CCDC171: variants seen among roughly 807,000 people sequenced by gnomAD.
The protein encoded by CCDC171 is coiled-coil domain-containing protein 171.
CCDC171 carries 177 observed loss-of-function variants against 168.2 expected under a neutral mutation model. That is an observed-to-expected ratio of 1.05 (90% CI 0.93 to 1.19). The LOEUF is 1.19. Among genes scored for constraint, CCDC171 ranks in the 50% most tolerant of loss-of-function variants. CCDC171 has a pLI of 0.00. For missense variants in CCDC171, 1,991 were observed against 1,539.0 expected (o/e 1.29, Z -4.91); for synonymous variants, 687 against 540.8 (o/e 1.27, Z -3.75).
At chr9:15,939,865 T>C (rs1437809371) in intron 25 of CCDC171, among the ~76,000 whole-genome samples, 2 of 151,884 alleles carry the variant, frequency 1.3e-5, no homozygotes, top group Admixed American at 6.6e-5. Context: ...AGTAGTTAAG[T>C]ATGTCATAAA....
At chr9:15,906,723 A>G (rs1280186469) in intron 24 of CCDC171, among the ~76,000 whole-genome samples, 1 of 152,192 alleles carries the variant, frequency 6.6e-6, no homozygotes, top group Non-Finnish European at 1.5e-5. Flanking sequence ...GGAAAAGAGG[A>G]AGTCAAATTG....
chr9:16,102,259 C>G, the CCDC171 span, among the ~76,000 whole-genome samples: 1 of 152,144 alleles, frequency 6.6e-6, no homozygotes, highest in African/African-American at 2.4e-5. Context: ...TCCTGGCCTC[C>G]TGGACCCTGC....
intron 25 of CCDC171, among the ~76,000 whole-genome samples, chr9:15,952,453 A>G (rs926326819): frequency 6.6e-6 from 1 of 152,114 alleles, no homozygotes; most frequent in African/African-American, 2.4e-5. Flanking sequence ...GCTGGAGTAC[A>G]ATGGCGTGAT....
At chr9:15,927,919 A>G (rs115052957) in intron 25 of CCDC171, among the ~76,000 whole-genome samples, 1,913 of 151,788 alleles carry the variant, frequency 0.013, 28 homozygotes, top group African/African-American at 0.044. Flanking sequence ...ATCTTAGTTG[A>G]TTATTGATAC....
At chr9:15,641,842 A>C (rs1472959095) in intron 7 of CCDC171, among the ~76,000 whole-genome samples, 1 of 152,202 alleles carries the variant, frequency 6.6e-6, no homozygotes, top group Admixed American at 6.5e-5. Context: ...TAAATGACAA[A>C]ATATGTGATA....
chr9:15,684,928 G>A lies in CCDC171; in HGVS notation c.1215+6032G>A, dbSNP rs367945064. Among the ~76,000 whole-genome samples the A allele has an allele frequency of 1.9e-3, 289 of 152,220 alleles. 1 individual carries two copies. Among genetic ancestry groups the A allele is most frequent in the Non-Finnish European group, 2.8e-3 (189 of 68,000 alleles). The stretch of plus-strand genomic sequence containing the variant: ...TTCATCACAGCATTTAAAGTAGTCC[G>A]TGGGTCATGTTGGGTGATGAGTAAA... On this transcript the variant is annotated intron_variant, in intron 10 of 25. Coordinates refer to ENST00000380701, the MANE Select transcript of CCDC171 (RefSeq NM_173550.4).
chr9:16,053,124 A>C (rs543977957), intron 1 of CCDC171, among the ~76,000 whole-genome samples: 1 of 152,356 alleles, frequency 6.6e-6, no homozygotes, highest in Non-Finnish European at 1.5e-5. Context: ...GATGGGTGTT[A>C]AGTTTCTAAG....
At chr9:15,683,802 C>G (rs772385474) in intron 10 of CCDC171, among the ~76,000 whole-genome samples, 1 of 151,950 alleles carries the variant, frequency 6.6e-6, no homozygotes, top group Non-Finnish European at 1.5e-5. Context: ...GTGAGAGAGA[C>G]AGAGAGCAAG....
intron 18 of CCDC171, among the ~76,000 whole-genome samples, chr9:15,748,051 A>G (rs114851041): frequency 0.018 from 2,687 of 152,220 alleles, 96 homozygotes; most frequent in African/African-American, 0.061. Flanking sequence ...AGAGAAGAAC[A>G]TAAATGACCA....
At chr9:16,009,221 A>G (rs1832790359) in intron 3 of CCDC171, among the ~76,000 whole-genome samples, 2 of 152,132 alleles carry the variant, frequency 1.3e-5, no homozygotes, top group African/African-American at 4.8e-5. Context: ...CTTTCAAACT[A>G]GAGTGGTCTG....
chr9:16,028,078 G>A (rs143816822), intron 6 of CCDC171, among the ~76,000 whole-genome samples: 3 of 152,300 alleles, frequency 2.0e-5, no homozygotes, highest in African/African-American at 7.2e-5. Flanking sequence ...GGACATTCCA[G>A]GGAGGGGGGC....
At chr9:15,556,754 A>G (rs2038835267) in intron 1 of CCDC171, among the ~76,000 whole-genome samples, 2 of 151,508 alleles carry the variant, frequency 1.3e-5, no homozygotes, top group South Asian at 2.1e-4. Flanking sequence ...ATTAGATCTC[A>G]TTTGTCAATT....
At chr9:15,921,637 A>G (rs553388336) in intron 25 of CCDC171, among the ~76,000 whole-genome samples, 7 of 151,762 alleles carry the variant, frequency 4.6e-5, no homozygotes, top group East Asian at 1.9e-4. Flanking sequence ...CGAGTAATCT[A>G]TCCAATAAAT....
intron 25 of CCDC171, among the ~76,000 whole-genome samples, chr9:15,949,282 C>T (rs1350085686): frequency 3.3e-5 from 5 of 152,016 alleles, no homozygotes; most frequent in Admixed American, 2.6e-4. Flanking sequence ...GTTTTTTTGG[C>T]TTGGGATTGA....
At chr9:16,036,499 C>G (rs1384042077) in intron 8 of CCDC171, among the ~76,000 whole-genome samples, 2 of 152,288 alleles carry the variant, frequency 1.3e-5, no homozygotes, top group Non-Finnish European at 2.9e-5. Context: ...AAAAAATTAG[C>G]TGGGCGTGGT....
intron 18 of CCDC171, among the ~76,000 whole-genome samples, chr9:15,756,700 C>T (rs1387162448): frequency 6.6e-6 from 1 of 152,142 alleles, no homozygotes; most frequent in African/African-American, 2.4e-5. Context: ...GCTCTATGTC[C>T]CCACCCAAAT....
intron 7 of CCDC171, among the ~76,000 whole-genome samples, chr9:15,633,365 C>T (rs1380776668): frequency 6.6e-5 from 10 of 152,134 alleles, no homozygotes; most frequent in Admixed American, 5.9e-4. Context: ...GGGCAAAGGA[C>T]ATGAACAGAC....
intron 18 of CCDC171, among the ~76,000 whole-genome samples, chr9:15,758,197 G>A (rs1208817389): frequency 6.6e-6 from 1 of 152,208 alleles, no homozygotes; most frequent in African/African-American, 2.4e-5. Context: ...AACAGCTGGA[G>A]GAAGGCTGTA....
At chr9:16,012,581 C>A (rs1832898056) in intron 3 of CCDC171, among the ~76,000 whole-genome samples, 1 of 132,864 alleles carries the variant, frequency 7.5e-6, no homozygotes, top group Non-Finnish European at 1.6e-5. Context: ...TTTTTTTTTT[C>A]AAAGAATTCG....
Sources: allele counts gnomAD v4.1 joint callset (sites outside exome capture counted in the v4.1 genomes callset), GRCh38; gene constraint gnomAD v4.1.1; transcripts MANE v1.5; gene names NCBI Gene and HGNC (gene_info 2026-07-23, HGNC 2026-07-21).